FXR1: variants seen among roughly 807,000 people sequenced by gnomAD.
The protein encoded by FXR1 is FMR1 autosomal homolog 1.
In FXR1, 15 loss-of-function variants were observed where a neutral mutation model predicts 84.0. That is an observed-to-expected ratio of 0.18 (90% CI 0.12 to 0.27). The LOEUF is 0.27. Among genes scored for constraint, FXR1 ranks in the 10% least tolerant of loss-of-function variants. The probability of loss-of-function intolerance (pLI) is 1.00; values close to 1 mark genes in which losing one functional copy is unlikely to be tolerated. For synonymous variants in FXR1, 245 were observed against 250.7 expected (o/e 0.98, Z 0.21); for missense variants, 480 against 774.4 (o/e 0.62, Z 4.51).
chr3:180,963,250 A>T (rs1370487172), intron 13 of FXR1, among the ~76,000 whole-genome samples, 160 bp downstream of exon 13: 1 of 152,038 alleles, frequency 6.6e-6, no homozygotes, highest in East Asian at 1.9e-4. Flanking sequence ...AATAGTAGTG[A>T]TAGTATACAT....
At position 180,968,141 on chromosome 3, in the gene FXR1, G is replaced by C. The variant is rs746038547; in HGVS notation, c.1289G>C (p.Arg430Pro). Residue 430 changes from arginine (R) to proline (P), a missense_variant, in exon 14 of 17, where the codon CGA becomes CCA. Arg to Pro is a moderately radical substitution (Grantham distance 103). Coordinates refer to ENST00000357559, the MANE Select transcript of FXR1 (RefSeq NM_005087.4). ...SDWSLAGEDDRDSRHQRDSRR... is the reference protein window; with the variant it reads ...SDWSLAGEDDPDSRHQRDSRR... ...TGGTCATTGGCAGGAGAAGATGATC[G>C]AGACAGCCGACATCAGCGTGACAGC... 2 of 1,613,434 alleles carry C rather than the reference G, an allele frequency of 1.2e-6. No individual in the cohort carries two copies. The highest frequency in any genetic ancestry group is 1.7e-6 in the Non-Finnish European group (2 of 1,179,376).
chr3:180,916,819 C>T (rs183786241), intron 1 of FXR1, among the ~76,000 whole-genome samples: 6 of 152,218 alleles, frequency 3.9e-5, no homozygotes, highest in Admixed American at 3.9e-4. Context: ...CAGTCACTTT[C>T]TGCAGAAGGT....
At chr3:180,972,135 C>T (rs1439505103) in intron 15 of FXR1, among the ~76,000 whole-genome samples, 7 of 152,092 alleles carry the variant, frequency 4.6e-5, no homozygotes, top group Non-Finnish European at 8.8e-5. Context: ...ATTTGTTTTC[C>T]TTCCCCTTCT....
At chr3:180,927,321 A>G (rs1719347783) in intron 1 of FXR1, among the ~76,000 whole-genome samples, 3 of 152,010 alleles carry the variant, frequency 2.0e-5, no homozygotes, top group Non-Finnish European at 4.4e-5. Context: ...TATTGTTTCA[A>G]CTTTCCTTCT....
chr3:180,939,168 A>G (rs1720855605), intron 3 of FXR1, among the ~76,000 whole-genome samples: 1 of 152,246 alleles, frequency 6.6e-6, no homozygotes, highest in Non-Finnish European at 1.5e-5. Context: ...TGCTGAGATT[A>G]TAGGCGTGAG....
intron 8 of FXR1, among the ~76,000 whole-genome samples, 154 bp from the exon 9 acceptor site, chr3:180,953,608 C>T (rs1560006214): frequency 6.6e-6 from 1 of 152,110 alleles, no homozygotes; most frequent in African/African-American, 2.4e-5. Context: ...TTGTGAATCA[C>T]TTCACCTGAA....
chr3:180,963,108 T>A lies in FXR1; in HGVS notation c.1198+18T>A, dbSNP rs763100871. ...CGGTTATGGTAAAAAAAAATTTTTTTTTTTTTTTTTTGGTAATAGTAATAA... is the reference window on the plus strand; with the variant it reads ...CGGTTATGGTAAAAAAAAATTTTTTATTTTTTTTTTTGGTAATAGTAATAA... On this transcript the variant is annotated intron_variant, in intron 13 of 16. Transcript: ENST00000357559. The A allele has an allele frequency of 1.1e-5, 13 of 1,155,598 alleles. No homozygotes were observed. Among genetic ancestry groups the A allele is most frequent in the East Asian group, 2.4e-5 (1 of 42,314 alleles). The allele number at this position is 1,155,598 out of a possible 1,614,324, so 71.6% of individuals were successfully genotyped here. A position where few individuals can be genotyped will look rare whatever the true frequency, so the allele number is the denominator to read the frequency against.
chr3:180,914,813 G>A, intron 1 of FXR1: 2 of 984,616 alleles, frequency 2.0e-6, no homozygotes, highest in Non-Finnish European at 2.4e-6. Context: ...AGGTTGGAAA[G>A]GACACTAGCC....
At chr3:180,948,096 C>G in intron 4 of FXR1, 160 bp downstream of exon 4, 1 of 610,854 alleles carries the variant, frequency 1.6e-6, no homozygotes, top group Non-Finnish European at 2.9e-6. Flanking sequence ...TGTTTGTGTT[C>G]TGTATTGGCA....
rs190427919 is a variant in FXR1, at chr3:180,980,761, T to G, written c.*4469T>G. 1.3e-5 allele frequency: 2 copies of G among 152,114 alleles called. No homozygotes were observed. The highest frequency in any genetic ancestry group is 4.8e-5 in the African/African-American group (2 of 41,526). 9.4% of individuals were successfully genotyped at this position (152,114 alleles called of 1,614,324 possible). On this transcript the variant is annotated 3_prime_UTR_variant, in exon 17 of 17. Coordinates refer to ENST00000357559, the MANE Select transcript of FXR1 (RefSeq NM_005087.4). ...AGGATAGAAGCTCTTCCTATATATA[T>G]CTTGTTGCTAAGGCAGTAGTTGGCT...
intron 3 of FXR1, among the ~76,000 whole-genome samples, chr3:180,940,580 G>GTTTTGTTTTTTTTTTTTTT (rs746815811): frequency 6.8e-6 from 1 of 146,114 alleles, no homozygotes. Flanking sequence ...GTTTTTTTCT[G>GTTTTGTTTTTTTTTTTTTT]TTTTCTTTTT....
chr3:180,945,619 G>T (rs1475303293), intron 3 of FXR1, among the ~76,000 whole-genome samples: 1 of 152,084 alleles, frequency 6.6e-6, no homozygotes, highest in South Asian at 2.1e-4. Flanking sequence ...TGTTGTCCAG[G>T]GTGGTCTTGA....
chr3:180,982,653 A>T lies in FXR1; in HGVS notation c.*6361A>T, dbSNP rs1714667845. ...TATTATCACTATCTGTCTTTGAAAA[A>T]TTTTCTTTTAAGTCTCAACTATTTC... is the stretch of plus-strand genomic sequence containing the variant. On this transcript the variant is annotated 3_prime_UTR_variant, in exon 17 of 17. Coordinates refer to ENST00000357559, the MANE Select transcript of FXR1 (RefSeq NM_005087.4). 1.3e-5 allele frequency: 2 copies of T among 152,030 alleles called. No homozygotes were observed. The highest frequency in any genetic ancestry group is 6.6e-5 in the Admixed American group (1 of 15,248). The allele number at this position is 152,030 out of a possible 1,614,324, so 9.4% of individuals were successfully genotyped here.
chr3:180,951,528 A>G (rs551449074), intron 8 of FXR1, 60 bp downstream of exon 8: 2 of 1,201,938 alleles, frequency 1.7e-6, no homozygotes, highest in Middle Eastern at 2.0e-4. Context: ...GTTTGATTAT[A>G]TTTTTATCTG....
intron 1 of FXR1, among the ~76,000 whole-genome samples, chr3:180,918,809 AC>A (rs1718211358): frequency 6.6e-6 from 1 of 152,180 alleles, no homozygotes; most frequent in South Asian, 2.1e-4. Flanking sequence ...TACCCAGACT[AC>A]TTACCAGACT....
intron 3 of FXR1, among the ~76,000 whole-genome samples, chr3:180,940,585 C>CT (rs58770842): frequency 1.4e-3 from 201 of 147,434 alleles, no homozygotes; most frequent in African/African-American, 4.0e-3. Flanking sequence ...TTTCTGTTTT[C>CT]TTTTTTTTTT....
At chr3:180,921,586 G>T (rs1718598333) in intron 1 of FXR1, among the ~76,000 whole-genome samples, 1 of 151,960 alleles carries the variant, frequency 6.6e-6, no homozygotes, top group African/African-American at 2.4e-5. Context: ...GTACTTGTTG[G>T]AATCAAATTA....
intron 1 of FXR1, among the ~76,000 whole-genome samples, chr3:180,917,240 AT>A (rs1261562206): frequency 2.6e-5 from 4 of 151,528 alleles, no homozygotes; most frequent in African/African-American, 9.7e-5. Context: ...TTGATTTAAT[AT>A]TAAGTGGAAT....
intron 3 of FXR1, among the ~76,000 whole-genome samples, chr3:180,944,029 A>C (rs907782711): frequency 2.0e-5 from 3 of 151,434 alleles, no homozygotes; most frequent in African/African-American, 7.3e-5. Context: ...CAATTCTCCT[A>C]CCTCAGCCTC....
Sources: gnomAD v4.1 joint callset for allele counts (sites outside exome capture counted in the v4.1 genomes callset) on GRCh38, gnomAD v4.1.1 for gene constraint, MANE v1.5 for transcripts, NCBI Gene and HGNC (gene_info 2026-07-23, HGNC 2026-07-21) for gene names.